PLEKHA1: variants seen among roughly 807,000 people sequenced by gnomAD.
PLEKHA1 encodes pleckstrin homology domain-containing family A member 1.
A neutral mutation model predicts 52.0 loss-of-function variants in PLEKHA1; 34 were observed. The observed-to-expected ratio is 0.65, with a 90% CI of 0.50 to 0.87. The LOEUF is 0.87. Ranked by LOEUF, PLEKHA1 falls within the 40% of genes least tolerant of loss-of-function variation. The pLI, the probability that PLEKHA1 is intolerant of heterozygous loss-of-function variation, is 0.00. For synonymous variants in PLEKHA1, 163 were observed against 170.7 expected (o/e 0.95, Z 0.35); for missense variants, 497 against 504.2 (o/e 0.99, Z 0.14).
intron 3 of PLEKHA1, among the ~76,000 whole-genome samples, chr10:122,398,855 C>T (rs1031710790): frequency 2.0e-5 from 3 of 152,054 alleles, no homozygotes; most frequent in Non-Finnish European, 4.4e-5. Context: ...TATTCATTCT[C>T]ATTGACCAAA....
downstream of PLEKHA1, chr10:122,435,835 C>T (rs763128565): frequency 2.6e-5 from 4 of 151,414 alleles, no homozygotes; most frequent in Non-Finnish European, 5.9e-5. Context: ...AATTGGAACA[C>T]TTGAGCTTAG....
chr10:122,376,881 A>G (rs2096546027), intron 1 of PLEKHA1, among the ~76,000 whole-genome samples: 1 of 152,208 alleles, frequency 6.6e-6, no homozygotes, highest in African/African-American at 2.4e-5. Flanking sequence ...AACATATAGG[A>G]TATGACAATA....
chr10:122,439,593 T>C, the PLEKHA1 span: 2 of 152,218 alleles, frequency 1.3e-5, no homozygotes, highest in South Asian at 2.1e-4. Flanking sequence ...TACAAAAAAT[T>C]AGCCAGGCAT....
At chr10:122,395,736 C>T (rs2096841457) in intron 2 of PLEKHA1, among the ~76,000 whole-genome samples, 1 of 152,126 alleles carries the variant, frequency 6.6e-6, no homozygotes, top group African/African-American at 2.4e-5. Flanking sequence ...CCCCTGACCA[C>T]TGCTTCCTTT....
rs138689140 is a variant in PLEKHA1 at position 122,401,302 on chromosome 10, C to T, written c.244+914C>T. 2.6e-5 allele frequency among the ~76,000 whole-genome samples: 4 copies of T among 152,230 alleles called. No homozygotes were observed. In the East Asian group the frequency reaches 7.7e-4, roughly 29 times the overall value. ...AAAAAGAGAGCATCTGGAAAGCAGACATAAGGTGAAGGAGGGTTTTGTTTG... is the reference window on the plus strand; with the variant it reads ...AAAAAGAGAGCATCTGGAAAGCAGATATAAGGTGAAGGAGGGTTTTGTTTG... On this transcript the variant is annotated intron_variant, in intron 4 of 11. Transcript: ENST00000368990.
At chr10:122,436,993 C>CTTTTTTTTTTTTT (rs34565375), downstream of PLEKHA1, 3 of 84,842 alleles carry the variant, frequency 3.5e-5, no homozygotes, top group South Asian at 5.1e-4. Flanking sequence ...TTACATCAGC[C>CTTTTTTTTTTTTT]TTTTTTTTTT....
At chr10:122,402,385 C>A (rs1478517697) in intron 4 of PLEKHA1, among the ~76,000 whole-genome samples, 1 of 152,178 alleles carries the variant, frequency 6.6e-6, no homozygotes, top group Non-Finnish European at 1.5e-5. Flanking sequence ...TTCAAAGTGG[C>A]AACATATCTT....
intron 4 of PLEKHA1, among the ~76,000 whole-genome samples, chr10:122,401,803 A>G (rs1435534192): frequency 6.6e-6 from 1 of 152,208 alleles, no homozygotes; most frequent in Non-Finnish European, 1.5e-5. Flanking sequence ...ACTAACATCA[A>G]AAGAGACTTT....
intron 1 of PLEKHA1, among the ~76,000 whole-genome samples, chr10:122,379,290 G>T (rs375200391): frequency 6.6e-6 from 1 of 152,162 alleles, no homozygotes; most frequent in East Asian, 1.9e-4. Flanking sequence ...ATCCAGGTAC[G>T]CTGTGGTTTC....
Position 122,415,955 on chromosome 10 carries a change from G to C in PLEKHA1, c.565G>C (p.Asp189His), listed in dbSNP as rs1334462454. The change falls in exon 7 of 12, where the codon GAT becomes CAT. Residue 189 changes from aspartate (D) to histidine (H), a missense_variant. Asp to His is a moderately conservative substitution (Grantham distance 81, BLOSUM62 -1). Coordinates refer to ENST00000368990, the MANE Select transcript of PLEKHA1 (RefSeq NM_001001974.4). ...TTACTTTACTCCTAAACCACCTCAAGATAGTGCGGTTATCAAAGCTGGATA... is the reference window on the plus strand; with the variant it reads ...TTACTTTACTCCTAAACCACCTCAACATAGTGCGGTTATCAAAGCTGGATA... ...LPYFTPKPPQ[D>H]SAVIKAGYCV... 2 of 1,613,578 alleles carry C rather than the reference G, an allele frequency of 1.2e-6. No individual in the cohort carries two copies. The highest frequency in any genetic ancestry group is 1.7e-6 in the Non-Finnish European group (2 of 1,179,694).
chr10:122,401,892 T>G (rs1478196865), intron 4 of PLEKHA1, among the ~76,000 whole-genome samples: 1 of 152,130 alleles, frequency 6.6e-6, no homozygotes. Flanking sequence ...CAGATTTCTT[T>G]AGGCAGTAGT....
chr10:122,384,111 A>G (rs2096654092), intron 1 of PLEKHA1, among the ~76,000 whole-genome samples: 7 of 152,098 alleles, frequency 4.6e-5, no homozygotes, highest in Admixed American at 3.9e-4. Context: ...TCATATATTT[A>G]AAGGCCATTT....
chr10:122,415,652 C>T (rs985745952), intron 6 of PLEKHA1, among the ~76,000 whole-genome samples: 1 of 152,034 alleles, frequency 6.6e-6, no homozygotes, highest in African/African-American at 2.4e-5. Flanking sequence ...GGTGGCAGGA[C>T]TTGTGCAAAA....
chr10:122,424,766 T>A (rs947060951), intron 9 of PLEKHA1, 130 bp from the exon 10 acceptor site: 5 of 541,672 alleles, frequency 9.2e-6, no homozygotes, highest in Non-Finnish European at 1.5e-5. Context: ...TGGGAAAAGA[T>A]AATTTGGGTT....
the PLEKHA1 span, chr10:122,438,131 C>G: frequency 1.3e-5 from 2 of 152,252 alleles, no homozygotes; most frequent in African/African-American, 4.8e-5. Context: ...TGGCGTGCAT[C>G]TGTAGTCCCA....
intron 11 of PLEKHA1, among the ~76,000 whole-genome samples, chr10:122,427,624 T>C (rs1480813805): frequency 6.6e-6 from 1 of 152,208 alleles, no homozygotes; most frequent in Non-Finnish European, 1.5e-5. Flanking sequence ...ATTATCTTTG[T>C]GGTAGTATGA....
intron 10 of PLEKHA1, among the ~76,000 whole-genome samples, chr10:122,425,938 A>G (rs2097332592): frequency 6.6e-6 from 1 of 152,214 alleles, no homozygotes; most frequent in Non-Finnish European, 1.5e-5. Flanking sequence ...ATAGTGTTAT[A>G]TCCTATTTGT....
At chr10:122,396,705 C>T (rs1445160909) in intron 2 of PLEKHA1, among the ~76,000 whole-genome samples, 2 of 151,984 alleles carry the variant, frequency 1.3e-5, no homozygotes, top group Admixed American at 1.3e-4. Context: ...AAAAGTTGAT[C>T]CTGTCTTATC....
At chr10:122,391,788 T>C (rs1048963647) in intron 1 of PLEKHA1, among the ~76,000 whole-genome samples, 6 of 152,144 alleles carry the variant, frequency 3.9e-5, no homozygotes, top group Admixed American at 6.5e-5. Flanking sequence ...TTATTTCCTT[T>C]AAAGTATCAG....
Sources: allele counts gnomAD v4.1 joint callset (sites outside exome capture counted in the v4.1 genomes callset), GRCh38; gene constraint gnomAD v4.1.1; transcripts MANE v1.5; gene names NCBI Gene and HGNC (gene_info 2026-07-23, HGNC 2026-07-21).